The following ITPR2 variants were observed in gnomAD, a reference collection of about 807,000 sequenced individuals.
ITPR2 encodes the protein inositol 1,4,5-trisphosphate-gated calcium channel ITPR2.
In ITPR2, 207 loss-of-function variants were observed where a neutral mutation model predicts 317.1. The observed-to-expected ratio is 0.65, with a 90% CI of 0.58 to 0.73. The LOEUF is 0.73. ITPR2 is among the 30% of genes least tolerant of loss of function. The pLI, the probability that ITPR2 is intolerant of heterozygous loss-of-function variation, is 0.00. For synonymous variants in ITPR2, 1,156 were observed against 1,149.1 expected, an observed-to-expected ratio of 1.01 and a Z score of -0.12; for missense variants, 2,613 against 3,284.0, an observed-to-expected ratio of 0.80 and a Z score of 4.99.
intron 49 of ITPR2, among the ~76,000 whole-genome samples, chr12:26,421,018 C>T (rs187659424): frequency 2.2e-4 from 33 of 151,966 alleles, no homozygotes; most frequent in African/African-American, 6.3e-4. Context: ...TTCAGAAAGA[C>T]GAATGATATG....
At chr12:26,342,885 A>G (rs1938181139) in intron 55 of ITPR2, among the ~76,000 whole-genome samples, 2 of 151,394 alleles carry the variant, frequency 1.3e-5, no homozygotes, top group Non-Finnish European at 2.9e-5. Flanking sequence ...CTGGGATTAC[A>G]GGCGTGAGCC....
intron 44 of ITPR2, 40 bp downstream of exon 44, chr12:26,476,872 G>A (rs779109939): frequency 1.4e-6 from 2 of 1,380,276 alleles, no homozygotes; most frequent in South Asian, 2.5e-5. Flanking sequence ...TTTCCTTTTA[G>A]GCTACCCAAT....
At chr12:26,650,158 T>G (rs1483680286) in intron 21 of ITPR2, among the ~76,000 whole-genome samples, 4 of 152,148 alleles carry the variant, frequency 2.6e-5, no homozygotes, top group Non-Finnish European at 4.4e-5. Context: ...TATGTGTCTT[T>G]GAGGGCAGAT....
At chr12:26,435,731 C>A (rs527889393) in intron 48 of ITPR2, among the ~76,000 whole-genome samples, 3 of 152,174 alleles carry the variant, frequency 2.0e-5, no homozygotes, top group African/African-American at 7.2e-5. Flanking sequence ...ACTTTTGAAA[C>A]CTCAGATGAT....
At chr12:26,767,247 T>A (rs1040638486) in intron 2 of ITPR2, among the ~76,000 whole-genome samples, 1 of 152,218 alleles carries the variant, frequency 6.6e-6, no homozygotes, top group African/African-American at 2.4e-5. Flanking sequence ...GTGTCTTTCC[T>A]CTAGTGTAGG....
intron 19 of ITPR2, 81 bp from the exon 20 acceptor site, chr12:26,655,933 G>C: frequency 7.5e-7 from 1 of 1,340,934 alleles, no homozygotes; most frequent in Non-Finnish European, 1.0e-6. Context: ...AGTTTCCTGG[G>C]TGCATAATCT....
At chr12:26,528,006 C>G (rs1022342002) in intron 37 of ITPR2, among the ~76,000 whole-genome samples, 8 of 152,172 alleles carry the variant, frequency 5.3e-5, no homozygotes, top group African/African-American at 1.9e-4. Context: ...CAGATGTTAG[C>G]AAAGTCCTCC....
chr12:26,822,217 TATG>T (rs1474341182), intron 1 of ITPR2, among the ~76,000 whole-genome samples: 1 of 152,224 alleles, frequency 6.6e-6, no homozygotes, highest in Non-Finnish European at 1.5e-5. Context: ...AAGAAATTTT[TATG>T]ATGATATTTG....
rs372239140 is a variant in ITPR2 at position 26,375,267 on chromosome 12, T to A, written c.7857+12167A>T. Among the ~76,000 whole-genome samples the A allele has an allele frequency of 3.3e-5, 5 of 152,318 alleles. No homozygotes were observed. In the East Asian group the frequency reaches 7.7e-4, roughly 24 times the overall value. The stretch of plus-strand genomic sequence containing the variant: ...TCAGCACAGCAGGAGGAAATCTTTT[T>A]ATTAAGGTTATGAGAATCAGAGAAG... On this transcript the variant is annotated intron_variant, in intron 55 of 56. Transcript: ENST00000381340.
intron 55 of ITPR2, among the ~76,000 whole-genome samples, chr12:26,385,408 C>T (rs938126540): frequency 6.6e-6 from 1 of 152,172 alleles, no homozygotes; most frequent in Non-Finnish European, 1.5e-5. Flanking sequence ...TTTGACTTCC[C>T]CTGCTCCTCA....
chr12:26,602,337 A>G, intron 28 of ITPR2, 33 bp downstream of exon 28: 1 of 1,569,896 alleles, frequency 6.4e-7, no homozygotes, highest in Non-Finnish European at 8.6e-7. Context: ...ATCAAAATAA[A>G]AAGCTAAAGA....
At chr12:26,541,248 C>A (rs140990698) in intron 37 of ITPR2, among the ~76,000 whole-genome samples, 13,090 of 151,690 alleles carry the variant, frequency 0.086, 709 homozygotes, top group African/African-American at 0.15. Flanking sequence ...ACCCGGGAGG[C>A]AGAGGTTGCA....
At position 26,602,434 on chromosome 12, in the gene ITPR2, CGTT is replaced by C; in HGVS notation, c.3611_3613del (p.Gln1204del). The C allele has an allele frequency of 6.2e-7, 1 of 1,613,660 alleles. No homozygotes were observed. The highest frequency in any genetic ancestry group is 8.5e-7 in the Non-Finnish European group (1 of 1,179,714). Reference sequence around the variant, plus strand: ...ATGCGCCCCCATATTTTTCAGTAATCGTTGATGTTGATTCCGACACTTTTTATT... The same window carrying C: ...ATGCGCCCCCATATTTTTCAGTAATCGATGTTGATTCCGACACTTTTTATT... On this transcript the variant is annotated inframe_deletion, in exon 28 of 57. Transcript: ENST00000381340.
chr12:26,473,751 T>C lies in ITPR2; in HGVS notation c.6342+1545A>G, dbSNP rs114855964. 5.9e-3 allele frequency among the ~76,000 whole-genome samples: 897 copies of C among 152,318 alleles called. 14 individuals carry two copies. The highest frequency in any genetic ancestry group is 0.021 in the African/African-American group (857 of 41,566). On this transcript the variant is annotated intron_variant, in intron 45 of 56. Transcript: ENST00000381340. Reference sequence around the variant, plus strand: ...TTCCTTTCTACTCACATTCAATCTCTAGCCATTCCTTTGCTAGCTTGACTC... The same window carrying C: ...TTCCTTTCTACTCACATTCAATCTCCAGCCATTCCTTTGCTAGCTTGACTC...
At chr12:26,532,697 GT>G (rs960096266) in intron 37 of ITPR2, among the ~76,000 whole-genome samples, 2 of 151,908 alleles carry the variant, frequency 1.3e-5, no homozygotes, top group African/African-American at 4.8e-5. Context: ...AATTCTTTTT[GT>G]TTTTTTGGAG....
intron 37 of ITPR2, among the ~76,000 whole-genome samples, chr12:26,545,943 T>C (rs1350542105): frequency 6.6e-6 from 1 of 152,214 alleles, no homozygotes; most frequent in Admixed American, 6.5e-5. Context: ...GAGAGGGGAA[T>C]GAGATGTCTT....
intron 54 of ITPR2, among the ~76,000 whole-genome samples, chr12:26,395,956 A>C (rs1026629154): frequency 1.3e-5 from 2 of 152,352 alleles, no homozygotes; most frequent in African/African-American, 4.8e-5. Context: ...TAAGAATAAA[A>C]TGAAAAGAAA....
At chr12:26,364,116 C>T (rs944535689) in intron 55 of ITPR2, among the ~76,000 whole-genome samples, 1 of 152,130 alleles carries the variant, frequency 6.6e-6, no homozygotes, top group African/African-American at 2.4e-5. Context: ...AATAACACCA[C>T]ACTAGAATAA....
intron 51 of ITPR2, among the ~76,000 whole-genome samples, chr12:26,413,341 C>T (rs1012391961): frequency 2.0e-5 from 3 of 152,206 alleles, no homozygotes; most frequent in African/African-American, 7.2e-5. Context: ...CTCCCACCAA[C>T]TGATTTTCTG....
Sources: allele counts gnomAD v4.1 joint callset (sites outside exome capture counted in the v4.1 genomes callset), GRCh38; gene constraint gnomAD v4.1.1; transcripts MANE v1.5; gene names NCBI Gene and HGNC (gene_info 2026-07-23, HGNC 2026-07-21).